Variants in ASIC2 observed in about 807,000 individuals in gnomAD.
ASIC2 encodes the protein acid sensing ion channel subunit 2, also known as acid-sensing ion channel 2.
Under a neutral mutation model 57.3 loss-of-function variants are expected in ASIC2, and 25 were observed. The ratio of observed to expected loss-of-function variants is 0.44; its 90% CI spans 0.32 to 0.61. The LOEUF (loss-of-function observed/expected upper bound fraction) is 0.61, where lower values mean the gene tolerates loss of function less well. ASIC2 is among the 20% of genes least tolerant of loss of function. The pLI, the probability that ASIC2 is intolerant of heterozygous loss-of-function variation, is 0.06. For synonymous variants in ASIC2, 319 were observed against 307.5 expected (o/e 1.04, Z -0.39); for missense variants, 641 against 738.1 (o/e 0.87, Z 1.52).
intron 1 of ASIC2, among the ~76,000 whole-genome samples, chr17:34,049,184 G>A (rs2142051905): frequency 6.6e-6 from 1 of 151,966 alleles, no homozygotes; most frequent in East Asian, 1.9e-4. Flanking sequence ...CCCAGGTGCT[G>A]AGGAGGCTAA....
chr17:33,332,600 C>G (rs530391194), intron 1 of ASIC2, among the ~76,000 whole-genome samples: 2 of 152,152 alleles, frequency 1.3e-5, no homozygotes, highest in Admixed American at 1.3e-4. Context: ...TCTAAAGTCT[C>G]AGATTCACGG....
At chr17:34,032,459 G>A (rs1288716896) in intron 1 of ASIC2, among the ~76,000 whole-genome samples, 1 of 152,140 alleles carries the variant, frequency 6.6e-6, no homozygotes, top group Non-Finnish European at 1.5e-5. Context: ...ATCAACTAAT[G>A]AGCAAAATAA....
At chr17:33,908,141 C>G (rs540596929) in intron 1 of ASIC2, among the ~76,000 whole-genome samples, 4 of 152,304 alleles carry the variant, frequency 2.6e-5, no homozygotes, top group African/African-American at 9.6e-5. Flanking sequence ...CTGGAACCCC[C>G]TTTGAGAAAT....
chr17:33,388,075 A>G (rs963321901), intron 1 of ASIC2, among the ~76,000 whole-genome samples: 1 of 137,764 alleles, frequency 7.3e-6, no homozygotes, highest in African/African-American at 2.7e-5. Context: ...GAGAGACTCC[A>G]TCTCAAAAAA....
rs567812735 is a variant in ASIC2, at chr17:33,788,551, G to A, written c.555+367427C>T. ...CATTTGACCCAGCAATCTCATTACT[G>A]GTTATATACCTTAAGGAATATAAAT... On this transcript the variant is annotated intron_variant, in intron 1 of 9. Coordinates refer to the ASIC2 transcript ENST00000359872. 1.2e-4 allele frequency among the ~76,000 whole-genome samples: 18 copies of A among 152,206 alleles called. No individual in the cohort carries two copies. In the East Asian group the frequency reaches 3.1e-3, roughly 26 times the overall value.
chr17:33,165,056 A>C (rs1383006281), intron 1 of ASIC2, among the ~76,000 whole-genome samples: 2 of 152,220 alleles, frequency 1.3e-5, no homozygotes, highest in Non-Finnish European at 1.5e-5. Flanking sequence ...GTGTAAGGAC[A>C]ACAGAGACTA....
chr17:33,409,869 T>C (rs1910595559), intron 1 of ASIC2, among the ~76,000 whole-genome samples: 2 of 152,178 alleles, frequency 1.3e-5, no homozygotes, highest in Admixed American at 6.5e-5. Flanking sequence ...TCTAGCACTG[T>C]TTGGCTTGAT....
At chr17:33,568,207 T>C (rs1193559714) in intron 1 of ASIC2, among the ~76,000 whole-genome samples, 1 of 152,186 alleles carries the variant, frequency 6.6e-6, no homozygotes, top group Non-Finnish European at 1.5e-5. Context: ...GGTGTTCCAT[T>C]AGCATACCTT....
Position 33,544,937 on chromosome 17 carries a change from A to G in ASIC2, c.556-432870T>C, listed in dbSNP as rs978046105. Among the ~76,000 whole-genome samples the G allele has an allele frequency of 2.6e-5, 4 of 152,186 alleles. No homozygotes were observed. In the East Asian group the frequency reaches 5.8e-4, roughly 22 times the overall value. On this transcript the variant is annotated intron_variant, in intron 1 of 9. Coordinates refer to the ASIC2 transcript ENST00000359872. ...CCTGTTGATGGTGCAGCATTTTTAA[A>G]AGAGTGCTCTGTTACTGTCTCCAAG...
intron 1 of ASIC2, among the ~76,000 whole-genome samples, chr17:34,099,221 A>AAGGAAAGAAAGAAAGAAAGAAAGGAAAG (rs1567821099): frequency 6.7e-5 from 7 of 104,042 alleles, no homozygotes; most frequent in South Asian, 2.5e-4. Flanking sequence ...AGGAAAGAAA[A>AAGGAAAGAAAGAAAGAAAGAAAGGAAAG]GAAAGAAAAA....
At chr17:33,983,981 G>A (rs1230835015) in intron 1 of ASIC2, among the ~76,000 whole-genome samples, 8 of 152,218 alleles carry the variant, frequency 5.3e-5, no homozygotes, top group Non-Finnish European at 1.2e-4. Context: ...GGCAGCATGT[G>A]TCCATGCTGT....
At chr17:33,128,275 C>G (rs558664415) in intron 1 of ASIC2, among the ~76,000 whole-genome samples, 1 of 152,286 alleles carries the variant, frequency 6.6e-6, no homozygotes, top group East Asian at 1.9e-4. Context: ...TCTTCCAAAC[C>G]AAGGTCAAGT....
chr17:33,886,806 T>C (rs564509800), intron 1 of ASIC2, among the ~76,000 whole-genome samples: 68 of 152,270 alleles, frequency 4.5e-4, no homozygotes, highest in Admixed American at 1.0e-3. Flanking sequence ...ATTGGCATCA[T>C]GGGCTAGACA....
chr17:33,799,301 TTCCC>T (rs1474187228), intron 1 of ASIC2, among the ~76,000 whole-genome samples: 1 of 151,180 alleles, frequency 6.6e-6, no homozygotes, highest in African/African-American at 2.4e-5. Context: ...TTCTTCCTCT[TTCCC>T]TCCCTCCCTG....
chr17:33,355,422 G>A (rs1301806620), intron 1 of ASIC2, among the ~76,000 whole-genome samples: 1 of 144,024 alleles, frequency 6.9e-6, no homozygotes, highest in Non-Finnish European at 1.5e-5. Context: ...AAGCCCATCT[G>A]AGCAAAAAAC....
chr17:33,201,834 A>T (rs1156607986), intron 1 of ASIC2, among the ~76,000 whole-genome samples: 1 of 152,064 alleles, frequency 6.6e-6, no homozygotes, highest in East Asian at 1.9e-4. Context: ...GTTCGAGACC[A>T]GCCTGGGGAA....
intron 1 of ASIC2, among the ~76,000 whole-genome samples, chr17:33,265,230 G>A (rs1007562284): frequency 3.9e-5 from 6 of 152,146 alleles, no homozygotes; most frequent in Admixed American, 1.3e-4. Context: ...TTTAGTGTGG[G>A]GCAATAGCAA....
intron 1 of ASIC2, among the ~76,000 whole-genome samples, chr17:33,561,116 G>A (rs1290880811): frequency 6.6e-6 from 1 of 152,118 alleles, no homozygotes; most frequent in East Asian, 1.9e-4. Context: ...CGAAAAGGGA[G>A]ATTCTCATTT....
chr17:34,146,840 G>A (rs1006185992), intron 1 of ASIC2: 2 of 152,234 alleles, frequency 1.3e-5, no homozygotes, highest in Non-Finnish European at 2.9e-5. Flanking sequence ...GACCCAGAGT[G>A]TATCACTCCC....
Sources: gnomAD v4.1 joint callset for allele counts (sites outside exome capture counted in the v4.1 genomes callset) on GRCh38, gnomAD v4.1.1 for gene constraint, MANE v1.5 for transcripts, NCBI Gene and HGNC (gene_info 2026-07-23, HGNC 2026-07-21) for gene names.